Variants in MACROD2 observed in about 807,000 individuals in gnomAD.
The protein encoded by MACROD2 is mono-ADP ribosylhydrolase 2.
In MACROD2, 36 loss-of-function variants were observed where a neutral mutation model predicts 70.4. The ratio of observed to expected loss-of-function variants is 0.51; its 90% CI spans 0.39 to 0.68. The LOEUF (loss-of-function observed/expected upper bound fraction) is 0.68, where lower values mean the gene tolerates loss of function less well. MACROD2 is among the 30% of genes least tolerant of loss of function. The probability of loss-of-function intolerance (pLI) is 0.00; values close to 1 mark genes in which losing one functional copy is unlikely to be tolerated. For synonymous variants in MACROD2, 172 were observed against 178.8 expected, an observed-to-expected ratio of 0.96 and a Z score of 0.30; for missense variants, 496 against 538.4, an observed-to-expected ratio of 0.92 and a Z score of 0.78.
chr20:15,173,842 C>T (rs2076440415), intron 5 of MACROD2, among the ~76,000 whole-genome samples: 1 of 152,132 alleles, frequency 6.6e-6, no homozygotes, highest in Non-Finnish European at 1.5e-5. Context: ...CCCTCATGAA[C>T]TCAAAGTATA....
At chr20:14,897,717 G>A (rs1568861475) in intron 5 of MACROD2, among the ~76,000 whole-genome samples, 1 of 152,166 alleles carries the variant, frequency 6.6e-6, no homozygotes, top group Non-Finnish European at 1.5e-5. Context: ...GTTTCAAGCT[G>A]CTGTAACAGA....
chr20:15,997,075 T>G (rs1395399719), intron 15 of MACROD2, among the ~76,000 whole-genome samples: 4 of 152,342 alleles, frequency 2.6e-5, no homozygotes, highest in South Asian at 2.1e-4. Flanking sequence ...TCTGTTGTTG[T>G]GCCAGTACCA....
intron 11 of MACROD2, among the ~76,000 whole-genome samples, chr20:15,936,001 GCAAGTAATAGTA>G (rs1259643729): frequency 6.6e-6 from 1 of 152,060 alleles, no homozygotes; most frequent in Admixed American, 6.6e-5. Flanking sequence ...CACCTGACCT[GCAAGTAATAGTA>G]CATGCATCAT....
intron 5 of MACROD2, among the ~76,000 whole-genome samples, chr20:14,964,239 C>T (rs979203214): frequency 6.6e-6 from 1 of 152,064 alleles, no homozygotes; most frequent in East Asian, 1.9e-4. Context: ...TCAACCTCTT[C>T]GATTTCCTTC....
chr20:15,662,177 GT>G (rs1163219615), intron 8 of MACROD2, among the ~76,000 whole-genome samples: 2 of 152,276 alleles, frequency 1.3e-5, no homozygotes, highest in East Asian at 3.9e-4. Context: ...GAAATTGTCT[GT>G]TTATTATTTT....
intron 8 of MACROD2, among the ~76,000 whole-genome samples, chr20:15,644,739 G>A (rs2049514618): frequency 6.6e-6 from 1 of 152,128 alleles, no homozygotes; most frequent in South Asian, 2.1e-4. Context: ...GCCTAGGCTG[G>A]AGTACAATGG....
chr20:15,725,340 A>T (rs1600810397), intron 8 of MACROD2, among the ~76,000 whole-genome samples: 1 of 151,618 alleles, frequency 6.6e-6, no homozygotes, highest in Admixed American at 6.6e-5. Flanking sequence ...CATTTTGGGG[A>T]TGTTAGTATG....
intron 15 of MACROD2, among the ~76,000 whole-genome samples, chr20:16,019,333 T>C (rs1309113545): frequency 6.6e-6 from 1 of 152,172 alleles, no homozygotes; most frequent in African/African-American, 2.4e-5. Context: ...GGAGCCACAC[T>C]GGTGGAAATA....
At chr20:14,468,439 T>TC in intron 3 of MACROD2, among the ~76,000 whole-genome samples, 1 of 92,306 alleles carries the variant, frequency 1.1e-5, no homozygotes, top group African/African-American at 3.8e-5. Context: ...CAACCCCTGC[T>TC]TTTTTTTTTT....
intron 10 of MACROD2, among the ~76,000 whole-genome samples, chr20:15,920,713 T>G (rs1029060544): frequency 6.6e-6 from 1 of 152,200 alleles, no homozygotes; most frequent in African/African-American, 2.4e-5. Flanking sequence ...CGGCAAATGA[T>G]GAAGGCTCAA....
chr20:14,608,814 C>A (rs1237473763), intron 4 of MACROD2, among the ~76,000 whole-genome samples: 1 of 152,024 alleles, frequency 6.6e-6, no homozygotes, highest in Non-Finnish European at 1.5e-5. Context: ...TAGGTAGGTA[C>A]CGTTTTAGAT....
At chr20:14,919,436 T>G (rs1017870612) in intron 5 of MACROD2, among the ~76,000 whole-genome samples, 1 of 152,234 alleles carries the variant, frequency 6.6e-6, no homozygotes, top group African/African-American at 2.4e-5. Flanking sequence ...TGACTCTAAT[T>G]GTTCAACCTT....
intron 15 of MACROD2, among the ~76,000 whole-genome samples, chr20:16,027,012 C>A (rs2067090282): frequency 6.6e-6 from 1 of 152,082 alleles, no homozygotes. Flanking sequence ...TTAAACCCAA[C>A]AAAGATCAAA....
chr20:15,083,311 G>A (rs898664300), intron 5 of MACROD2, among the ~76,000 whole-genome samples: 2 of 152,120 alleles, frequency 1.3e-5, no homozygotes, highest in Non-Finnish European at 2.9e-5. Flanking sequence ...TGTAGGCCCA[G>A]CTTAACCAAG....
intron 5 of MACROD2, among the ~76,000 whole-genome samples, chr20:15,165,121 G>A (rs1601164431): frequency 6.6e-6 from 1 of 152,000 alleles, no homozygotes; most frequent in South Asian, 2.1e-4. Flanking sequence ...AAATATAAAT[G>A]AAAACAAGCG....
At chr20:14,027,983 A>T (rs1445935878) in intron 2 of MACROD2, among the ~76,000 whole-genome samples, 4 of 152,100 alleles carry the variant, frequency 2.6e-5, no homozygotes, top group African/African-American at 9.7e-5. Flanking sequence ...AGCAGGCAGG[A>T]ATGTTTACTT....
At chr20:14,074,062 C>T (rs1029471457) in intron 2 of MACROD2, among the ~76,000 whole-genome samples, 3 of 152,098 alleles carry the variant, frequency 2.0e-5, no homozygotes, top group Admixed American at 6.6e-5. Context: ...CCCACCATCC[C>T]CCAGGCAACA....
intron 3 of MACROD2, among the ~76,000 whole-genome samples, chr20:14,408,963 C>A (rs2083719437): frequency 6.6e-6 from 1 of 152,068 alleles, no homozygotes; most frequent in South Asian, 2.1e-4. Context: ...CTTGGCTAAA[C>A]TACTACATAT....
At chr20:15,315,448 G>A (rs189172870) in intron 6 of MACROD2, among the ~76,000 whole-genome samples, 2 of 152,190 alleles carry the variant, frequency 1.3e-5, no homozygotes, top group East Asian at 3.9e-4. Context: ...AAAGCAACAA[G>A]GGAGCAGTGA....
Sources: allele counts gnomAD v4.1 joint callset (sites outside exome capture counted in the v4.1 genomes callset), GRCh38; gene constraint gnomAD v4.1.1; transcripts MANE v1.5; gene names NCBI Gene and HGNC (gene_info 2026-07-23, HGNC 2026-07-21).